The following KIF14 variants were observed in gnomAD, a reference collection of about 807,000 sequenced individuals.
KIF14 encodes kinesin family member 14, also known as kinesin-like protein KIF14.
A neutral mutation model predicts 176.2 loss-of-function variants in KIF14; 98 were observed. The observed-to-expected ratio is 0.56, with a 90% CI of 0.47 to 0.66. The LOEUF (loss-of-function observed/expected upper bound fraction) is 0.66, where lower values mean the gene tolerates loss of function less well. Ranked by LOEUF, KIF14 falls within the 30% of genes least tolerant of loss-of-function variation. The probability of loss-of-function intolerance (pLI) is 0.00; values close to 1 mark genes in which losing one functional copy is unlikely to be tolerated. For synonymous variants in KIF14, 566 were observed against 632.2 expected (o/e 0.90, Z 1.57); for missense variants, 1,751 against 1,920.4 (o/e 0.91, Z 1.65).
intron 4 of KIF14, among the ~76,000 whole-genome samples, chr1:200,613,156 G>A (rs1660242954): frequency 6.6e-6 from 1 of 151,986 alleles, no homozygotes; most frequent in Admixed American, 6.6e-5. Context: ...CCAAAGTACT[G>A]GGATTACAGG....
At chr1:200,574,677 C>G (rs1249442438) in intron 22 of KIF14, among the ~76,000 whole-genome samples, 1 of 152,178 alleles carries the variant, frequency 6.6e-6, no homozygotes, top group African/African-American at 2.4e-5. Flanking sequence ...GGCTCCAAAG[C>G]CTTTCCATAA....
chr1:200,613,540 T>C (rs1425584826), intron 4 of KIF14, among the ~76,000 whole-genome samples: 2 of 152,180 alleles, frequency 1.3e-5, no homozygotes, highest in Non-Finnish European at 2.9e-5. Context: ...AGGGACTGGG[T>C]CTTTTAACTC....
Position 200,553,488 on chromosome 1 carries a change from C to A in KIF14, c.4847G>T (p.Ser1616Ile). The A allele has an allele frequency of 6.2e-7, 1 of 1,614,024 alleles. No individual in the cohort carries two copies. The highest frequency in any genetic ancestry group is 1.1e-5 in the South Asian group (1 of 91,082). ...QQSKSSGIDG[S>I]KNKGVPKRVY... ...ACGCTTTGGTACACCTTTATTCTTACTGCCGTCAATCCCGCTTGATTTAGA... is the reference window on the plus strand; with the variant it reads ...ACGCTTTGGTACACCTTTATTCTTAATGCCGTCAATCCCGCTTGATTTAGA... Residue 1616 changes from serine to isoleucine, a missense_variant, in exon 30 of 30, where the codon AGT becomes ATT. Transcript: ENST00000367350.
intron 8 of KIF14, among the ~76,000 whole-genome samples, chr1:200,604,171 A>G (rs1306268505): frequency 2.6e-5 from 4 of 152,070 alleles, no homozygotes; most frequent in African/African-American, 9.7e-5. Flanking sequence ...CGTTCAAGCA[A>G]TTGTCCCACC....
At chr1:200,585,865 T>A (rs1658710386) in intron 19 of KIF14, among the ~76,000 whole-genome samples, 1 of 152,186 alleles carries the variant, frequency 6.6e-6, no homozygotes, top group African/African-American at 2.4e-5. Context: ...GAATTCAATA[T>A]ATTAATTTTG....
chr1:200,599,018 T>C (rs543990862), intron 13 of KIF14, among the ~76,000 whole-genome samples: 2 of 152,340 alleles, frequency 1.3e-5, no homozygotes, highest in Middle Eastern at 6.8e-3. Flanking sequence ...TAGATCAGTT[T>C]GTTTTGTTGC....
chr1:200,601,861 G>A (rs1016985875), intron 11 of KIF14, 35 bp downstream of exon 11: 1 of 1,549,536 alleles, frequency 6.5e-7, no homozygotes, highest in African/African-American at 1.4e-5. Context: ...CTAAACTGTG[G>A]CAAAACAATT....
intron 2 of KIF14, among the ~76,000 whole-genome samples, 176 bp downstream of exon 2, chr1:200,617,436 C>T (rs1660456410): frequency 6.6e-6 from 1 of 152,164 alleles, no homozygotes; most frequent in Non-Finnish European, 1.5e-5. Context: ...ATTTTATAGT[C>T]AGTGATCAAA....
At chr1:200,564,415 G>A (rs1172180158) in intron 25 of KIF14, among the ~76,000 whole-genome samples, 1 of 152,120 alleles carries the variant, frequency 6.6e-6, no homozygotes, top group African/African-American at 2.4e-5. Flanking sequence ...GGAGGAGCCT[G>A]GATCCTGAGG....
In KIF14 at chr1:200,553,753, T is replaced by C; in HGVS notation, c.4582A>G (p.Ile1528Val). Residue 1528 changes from isoleucine (I) to valine (V), a missense_variant, in exon 30 of 30, where the codon ATA becomes GTA. Ile to Val is a conservative substitution (Grantham distance 29). Coordinates refer to ENST00000367350, the MANE Select transcript of KIF14 (RefSeq NM_014875.3). ...ISALKGCHSDINLLQTCVESI... is the reference protein window; with the variant it reads ...ISALKGCHSDVNLLQTCVESI... ...TCAACACAAGTCTGGAGAAGATTTA[T>C]ATCACTATGGCATCCTATATGCAAG... is the stretch of plus-strand genomic sequence containing the variant. 5 of 1,602,664 alleles carry C rather than the reference T, an allele frequency of 3.1e-6. No homozygotes were observed. The highest frequency in any genetic ancestry group is 4.3e-6 in the Non-Finnish European group (5 of 1,172,090).
At chr1:200,557,084 A>G (rs1656871915) in intron 27 of KIF14, among the ~76,000 whole-genome samples, 1 of 152,196 alleles carries the variant, frequency 6.6e-6, no homozygotes, top group African/African-American at 2.4e-5. Flanking sequence ...GCTCACTGCA[A>G]CATCCACCTC....
intron 22 of KIF14, among the ~76,000 whole-genome samples, chr1:200,570,652 T>C (rs1455412068): frequency 6.6e-6 from 1 of 152,276 alleles, no homozygotes; most frequent in East Asian, 1.9e-4. Context: ...GAGGTGGTCT[T>C]TGCATGTCAA....
chr1:200,554,029 A>G (rs536579313), intron 29 of KIF14, among the ~76,000 whole-genome samples: 2 of 152,334 alleles, frequency 1.3e-5, no homozygotes, highest in East Asian at 1.9e-4. Context: ...TGGGTAACTA[A>G]TATCAGTGAA....
intron 2 of KIF14, among the ~76,000 whole-genome samples, chr1:200,616,689 C>T (rs1660420704): frequency 6.6e-6 from 1 of 152,214 alleles, no homozygotes; most frequent in Admixed American, 6.5e-5. Context: ...AAGTTTTTCA[C>T]TGTCCCTTAA....
chr1:200,589,429 GTCCCT>G lies in KIF14; in HGVS notation c.2962-65_2962-61del, dbSNP rs778458550. On this transcript the variant is annotated intron_variant, in intron 17 of 29. Transcript: ENST00000367350. ...AAAACCGTAGCAAAAAAGTACAAAA[GTCCCT>G]TTCTTTAACCAATGTACAAGAAATT... The G allele has an allele frequency of 1.0e-3, 1,460 of 1,413,768 alleles. 2 individuals are homozygous for G. Among genetic ancestry groups the G allele is most frequent in the Admixed American group, 1.7e-3 (76 of 44,472 alleles). 87.6% of individuals were successfully genotyped at this position (1,413,768 alleles called of 1,614,324 possible).
chr1:200,588,135 C>G lies in KIF14; in HGVS notation c.3114+1082G>C, dbSNP rs550323727. On this transcript the variant is annotated intron_variant, in intron 18 of 29. Transcript: ENST00000367350. Reference sequence around the variant, plus strand: ...GTGGCTTGCAAACTTTAGTGTTCATCAGAACATCCCACAGGGCTTCTTAAA... The same window carrying G: ...GTGGCTTGCAAACTTTAGTGTTCATGAGAACATCCCACAGGGCTTCTTAAA... Among the ~76,000 whole-genome samples, 7 of 152,246 alleles carry G rather than the reference C, an allele frequency of 4.6e-5. No homozygotes were observed. In the South Asian group the frequency reaches 1.5e-3, roughly 32 times the overall value.
At chr1:200,567,004 G>A (rs375194976) in intron 23 of KIF14, among the ~76,000 whole-genome samples, 5 of 151,548 alleles carry the variant, frequency 3.3e-5, no homozygotes, top group East Asian at 3.9e-4. Flanking sequence ...GTGAAACCCC[G>A]TCTCTACTAA....
rs1656604477 is a variant in KIF14, at chr1:200,552,866, C to A, written c.*522G>T. 6.6e-6 allele frequency: 1 copy of A among 151,860 alleles called. No homozygotes were observed. Among genetic ancestry groups the A allele is most frequent in the Admixed American group, 6.6e-5 (1 of 15,228 alleles). The allele number at this position is 151,860 out of a possible 1,614,324, so 9.4% of individuals were successfully genotyped here. On this transcript the variant is annotated 3_prime_UTR_variant, in exon 30 of 30. Coordinates refer to ENST00000367350, the MANE Select transcript of KIF14 (RefSeq NM_014875.3). ...AACCCTTTATAAACGACTAATGAAC[C>A]AACTACAGACAGTATACCAATGTTA... is the stretch of plus-strand genomic sequence containing the variant.
At chr1:200,586,792 T>TATATATATATATATATATAC (rs1558068104) in intron 18 of KIF14, among the ~76,000 whole-genome samples, 1 of 9,626 alleles carries the variant, frequency 1.0e-4, no homozygotes, top group Non-Finnish European at 1.9e-4. Flanking sequence ...TATACATACA[T>TATATATATATATATATATAC]ATATATATAT....
Sources: gnomAD v4.1 joint callset for allele counts (sites outside exome capture counted in the v4.1 genomes callset) on GRCh38, gnomAD v4.1.1 for gene constraint, MANE v1.5 for transcripts, NCBI Gene and HGNC (gene_info 2026-07-23, HGNC 2026-07-21) for gene names.